Variants in ITGA8 observed in about 807,000 individuals in gnomAD.
The protein encoded by ITGA8 is integrin alpha-8.
ITGA8 carries 91 observed loss-of-function variants against 142.3 expected under a neutral mutation model. The ratio of observed to expected loss-of-function variants is 0.64; its 90% CI spans 0.54 to 0.76. The LOEUF is 0.76. ITGA8 is among the 30% of genes least tolerant of loss of function. The pLI, the probability that ITGA8 is intolerant of heterozygous loss-of-function variation, is 0.00. For synonymous variants in ITGA8, 505 were observed against 485.2 expected (o/e 1.04, Z -0.54); for missense variants, 1,406 against 1,327.7 (o/e 1.06, Z -0.92).
intron 25 of ITGA8, among the ~76,000 whole-genome samples, chr10:15,559,564 A>C (rs993564220): frequency 8.5e-5 from 13 of 152,166 alleles, no homozygotes; most frequent in African/African-American, 2.9e-4. Context: ...AAGGAAAAGA[A>C]AGCTGCAAAA....
chr10:15,517,300 C>A (rs1832982182), intron 29 of ITGA8, 56 bp from the exon 30 acceptor site: 1 of 1,185,418 alleles, frequency 8.4e-7, no homozygotes, highest in Non-Finnish European at 1.2e-6. Flanking sequence ...CTGTGAAACC[C>A]CTCATTCAAA....
At chr10:15,694,138 T>C (rs1189344158) in intron 2 of ITGA8, among the ~76,000 whole-genome samples, 1 of 145,638 alleles carries the variant, frequency 6.9e-6, no homozygotes, top group Non-Finnish European at 1.5e-5. Flanking sequence ...ATTATATAGA[T>C]AATATATCAT....
At chr10:15,535,794 C>T (rs752013375) in intron 27 of ITGA8, among the ~76,000 whole-genome samples, 1 of 152,098 alleles carries the variant, frequency 6.6e-6, no homozygotes, top group Non-Finnish European at 1.5e-5. Context: ...TGCTGGGGTC[C>T]CCTTCCACAC....
chr10:15,607,632 G>A (rs758353724), intron 17 of ITGA8, 45 bp downstream of exon 17: 8 of 1,568,170 alleles, frequency 5.1e-6, no homozygotes, highest in Non-Finnish European at 7.0e-6. Context: ...GTTGGAATTT[G>A]GATATGAAGG....
chr10:15,522,417 T>C (rs574605780), intron 28 of ITGA8, among the ~76,000 whole-genome samples: 1 of 152,286 alleles, frequency 6.6e-6, no homozygotes, highest in African/African-American at 2.4e-5. Context: ...ATGAACATAA[T>C]ATTGCTGGAA....
chr10:15,590,011 C>A (rs558654483), intron 22 of ITGA8, among the ~76,000 whole-genome samples: 1 of 152,284 alleles, frequency 6.6e-6, no homozygotes, highest in African/African-American at 2.4e-5. Flanking sequence ...GATCCACCCA[C>A]CTCGGACTCC....
intron 6 of ITGA8, among the ~76,000 whole-genome samples, chr10:15,677,086 A>T (rs1026587583): frequency 2.0e-5 from 3 of 152,210 alleles, no homozygotes; most frequent in Non-Finnish European, 4.4e-5. Context: ...GAAGCTAAAA[A>T]AGTTGATCTC....
At position 15,517,037 on chromosome 10, in the gene ITGA8, CCCCT is replaced by C; in HGVS notation, c.*117_*120del. 1 of 509,482 alleles carries C rather than the reference CCCCT, an allele frequency of 2.0e-6. No homozygotes were observed. 31.6% of individuals were successfully genotyped at this position (509,482 alleles called of 1,614,324 possible). A position where few individuals can be genotyped will look rare whatever the true frequency, so the allele number is the denominator to read the frequency against. On this transcript the variant is annotated 3_prime_UTR_variant, in exon 30 of 30. Coordinates refer to ENST00000378076, the MANE Select transcript of ITGA8 (RefSeq NM_003638.3). ...GTAGATGAGGTGATGTTTCCAGGGTCCCCTCCATTTCCTGGGTCACTGTCAGGTA... is the reference window on the plus strand; with the variant it reads ...GTAGATGAGGTGATGTTTCCAGGGTCCCATTTCCTGGGTCACTGTCAGGTA...
chr10:15,542,968 T>C (rs1833601669), intron 27 of ITGA8, among the ~76,000 whole-genome samples: 1 of 152,194 alleles, frequency 6.6e-6, no homozygotes, highest in Admixed American at 6.5e-5. Context: ...CATTTAGATG[T>C]AGTCTGTCTC....
intron 15 of ITGA8, among the ~76,000 whole-genome samples, chr10:15,610,943 G>T (rs188633918): frequency 2.0e-5 from 3 of 152,102 alleles, no homozygotes; most frequent in African/African-American, 7.2e-5. Context: ...AATATTTATT[G>T]AGCTGGCTTT....
chr10:15,608,373 GA>G (rs1833235515), intron 15 of ITGA8, 83 bp from the exon 16 acceptor site: 2 of 761,678 alleles, frequency 2.6e-6, no homozygotes, highest in Non-Finnish European at 4.3e-6. Context: ...CCCAGATAAC[GA>G]ATATCATTTT....
chr10:15,704,452 T>A (rs1447541986), intron 2 of ITGA8, among the ~76,000 whole-genome samples: 1 of 152,214 alleles, frequency 6.6e-6, no homozygotes, highest in Non-Finnish European at 1.5e-5. Flanking sequence ...GAAACCAGGT[T>A]TACAAAACCC....
chr10:15,718,180 T>C (rs1835488466), intron 2 of ITGA8, among the ~76,000 whole-genome samples: 1 of 152,228 alleles, frequency 6.6e-6, no homozygotes, highest in African/African-American at 2.4e-5. Context: ...TCCCTTTAAT[T>C]AAATAAGAAA....
At chr10:15,657,787 C>T (rs937236937) in intron 10 of ITGA8, among the ~76,000 whole-genome samples, 3 of 152,082 alleles carry the variant, frequency 2.0e-5, no homozygotes, top group Non-Finnish European at 4.4e-5. Flanking sequence ...CAGCTTTGTT[C>T]ATATTTAGTT....
In ITGA8 at chr10:15,706,420, A is replaced by G. The variant is rs76992063; in HGVS notation, c.343+12346T>C. On this transcript the variant is annotated intron_variant, in intron 2 of 29. Transcript: ENST00000378076. ...TGCTTGCTTCTGCTCTTCCTTGTCTATAGTCTGTTTTTCAACAAAATCTAA... is the reference window on the plus strand; with the variant it reads ...TGCTTGCTTCTGCTCTTCCTTGTCTGTAGTCTGTTTTTCAACAAAATCTAA... Among the ~76,000 whole-genome samples the G allele has an allele frequency of 4.7e-3, 709 of 151,858 alleles. 4 individuals are homozygous for G. Among genetic ancestry groups the G allele is most frequent in the Non-Finnish European group, 7.7e-3 (521 of 67,938 alleles).
chr10:15,550,362 C>T (rs1275644073), intron 26 of ITGA8, among the ~76,000 whole-genome samples: 1 of 152,186 alleles, frequency 6.6e-6, no homozygotes, highest in African/African-American at 2.4e-5. Flanking sequence ...TCTCAAAACT[C>T]TGTGGTTTGT....
intron 8 of ITGA8, among the ~76,000 whole-genome samples, chr10:15,667,066 T>C (rs1250088647): frequency 2.0e-5 from 3 of 152,226 alleles, no homozygotes; most frequent in Non-Finnish European, 4.4e-5. Flanking sequence ...TCTTTTTCTA[T>C]TGATTGGAAT....
intron 13 of ITGA8, among the ~76,000 whole-genome samples, chr10:15,642,916 G>A (rs45605241): frequency 0.066 from 10,035 of 152,252 alleles, 441 homozygotes; most frequent in Non-Finnish European, 0.095. Flanking sequence ...TCCCAATCAG[G>A]GGAGGGGCTA....
At chr10:15,615,187 G>A (rs1454985165) in intron 14 of ITGA8, among the ~76,000 whole-genome samples, 2 of 152,196 alleles carry the variant, frequency 1.3e-5, no homozygotes, top group Non-Finnish European at 2.9e-5. Flanking sequence ...GCTGAGCCCT[G>A]TGCCCATTCT....
Sources: gnomAD v4.1 joint callset for allele counts (sites outside exome capture counted in the v4.1 genomes callset) on GRCh38, gnomAD v4.1.1 for gene constraint, MANE v1.5 for transcripts, NCBI Gene and HGNC (gene_info 2026-07-23, HGNC 2026-07-21) for gene names.